CCDC18: variants seen among roughly 807,000 people sequenced by gnomAD.
The protein encoded by CCDC18 is coiled-coil domain-containing protein 18.
In CCDC18, 157 loss-of-function variants were observed where a neutral mutation model predicts 196.0. That is an observed-to-expected ratio of 0.80 (90% CI 0.70 to 0.91). The LOEUF is 0.91. Among genes scored for constraint, CCDC18 ranks in the 40% least tolerant of loss-of-function variants. The pLI is 0.00. For synonymous variants in CCDC18, 482 were observed against 529.2 expected (o/e 0.91, Z 1.22); for missense variants, 1,465 against 1,611.6 (o/e 0.91, Z 1.56).
At chr1:93,192,952 T>A (rs1652079525) in intron 5 of CCDC18, among the ~76,000 whole-genome samples, 1 of 152,202 alleles carries the variant, frequency 6.6e-6, no homozygotes, top group Non-Finnish European at 1.5e-5. Flanking sequence ...CTGCAAATGA[T>A]GCTGCTGCAC....
intron 16 of CCDC18, among the ~76,000 whole-genome samples, chr1:93,226,027 C>G (rs755591553): frequency 4.6e-5 from 7 of 152,132 alleles, no homozygotes; most frequent in Non-Finnish European, 7.4e-5. Flanking sequence ...TTGCCAACTT[C>G]TCACCACTCC....
chr1:93,184,132 A>T lies in CCDC18; in HGVS notation c.289A>T (p.Lys97Ter). 6.6e-7 allele frequency: 1 copy of T among 1,518,376 alleles called. No homozygotes were observed. The highest frequency in any genetic ancestry group is 8.9e-7 in the Non-Finnish European group (1 of 1,125,500). 94.1% of individuals were successfully genotyped at this position (1,518,376 alleles called of 1,614,324 possible). A position where few individuals can be genotyped will look rare whatever the true frequency, so the allele number is the denominator to read the frequency against. ...ISGSSTDFQKKPRDKMFSSSA... is the reference protein window; with the variant it reads ...ISGSSTDFQK ...TGGTAGCAGCACTGATTTTCAAAAA[A>T]AGCCAAGAGATAAGGTTATTGTTTT... Residue 97 changes from lysine (K) to a stop codon, truncating the protein, a stop_gained, in exon 3 of 29, where the codon AAG (lysine) becomes TAG (stop). Coordinates refer to ENST00000690025, the MANE Select transcript of CCDC18 (RefSeq NM_001378204.1). LOFTEE classifies it high-confidence loss of function.
At chr1:93,276,192 A>G (rs927383898) in intron 28 of CCDC18, among the ~76,000 whole-genome samples, 19 of 152,382 alleles carry the variant, frequency 1.2e-4, no homozygotes, top group African/African-American at 4.6e-4. Flanking sequence ...GAAGTGTTTA[A>G]TAAGTGTTAG....
upstream of CCDC18, chr1:93,180,488 C>G (rs781272416): frequency 3.3e-6 from 5 of 1,519,986 alleles, no homozygotes; most frequent in Middle Eastern, 5.4e-4. Flanking sequence ...TCAGGCCAGG[C>G]GTGAGCGCCG....
intron 27 of CCDC18, among the ~76,000 whole-genome samples, chr1:93,269,179 A>G (rs1165084471): frequency 6.6e-6 from 1 of 151,178 alleles, no homozygotes; most frequent in Non-Finnish European, 1.5e-5. Context: ...TGCAAGGACA[A>G]AAAACCAAAC....
Position 93,184,008 on chromosome 1 carries a change from C to T in CCDC18, c.165C>T (p.Ala55=). 6.4e-7 allele frequency: 1 copy of T among 1,560,784 alleles called. No homozygotes were observed. The highest frequency in any genetic ancestry group is 8.7e-7 in the Non-Finnish European group (1 of 1,148,420). ...SVSPSENSDY[A]PNPSRSEKLI... ...GTCCAAGTGAAAATTCTGATTATGC[C>T]CCTAATCCTTCAAGGTCTGAAAAGC... The change falls in exon 3 of 29, where the codon GCC becomes GCT. Residue 55 remains alanine (A), a synonymous_variant. Transcript: ENST00000690025.
intron 26 of CCDC18, among the ~76,000 whole-genome samples, chr1:93,259,523 T>C (rs751771060): frequency 7.9e-5 from 12 of 152,246 alleles, no homozygotes; most frequent in Non-Finnish European, 1.8e-4. Flanking sequence ...GCGTTTTTTC[T>C]AATACGGCAA....
At position 93,214,909 on chromosome 1, in the gene CCDC18, G is replaced by C. The variant is rs773738901; in HGVS notation, c.1662G>C (p.Gln554His). ...TGGCTCACAGAACTAGTCAGTTTCA[G>C]CTGATTCAAGAGGAGCTGCTAGAGA... ...VNMAHRTSQF[Q>H]LIQEELLEKA... is the part of the protein sequence containing the mutation. The change falls in exon 12 of 29, where the codon CAG becomes CAC. Residue 554 changes from glutamine (Q) to histidine (H), a missense_variant. Physicochemically the swap from Gln to His is conservative, Grantham distance 24. Coordinates refer to ENST00000690025, the MANE Select transcript of CCDC18 (RefSeq NM_001378204.1). 18 of 1,612,058 alleles carry C rather than the reference G, an allele frequency of 1.1e-5. No individual in the cohort carries two copies. In the African/African-American group the frequency reaches 2.4e-4, roughly 22 times the overall value.
upstream of CCDC18, chr1:93,180,698 A>G (rs1331819533): frequency 2.2e-6 from 3 of 1,354,834 alleles, no homozygotes; most frequent in South Asian, 1.2e-5. Context: ...GTGACCGGGT[A>G]GGCGCGTCCC....
chr1:93,196,230 A>G (rs1337364839), intron 6 of CCDC18, among the ~76,000 whole-genome samples: 3 of 152,144 alleles, frequency 2.0e-5, no homozygotes, highest in African/African-American at 7.2e-5. Context: ...GGTTAAGGTG[A>G]AAGGGATTGC....
intron 14 of CCDC18, among the ~76,000 whole-genome samples, chr1:93,219,232 T>G (rs1657012053): frequency 6.6e-6 from 1 of 152,244 alleles, no homozygotes; most frequent in Admixed American, 6.5e-5. Context: ...TAGTTTGAGG[T>G]ACAACTGCCA....
intron 23 of CCDC18, among the ~76,000 whole-genome samples, chr1:93,248,001 T>G (rs1221404754): frequency 6.7e-6 from 1 of 149,606 alleles, no homozygotes; most frequent in Non-Finnish European, 1.5e-5. Flanking sequence ...TACTGTGTTA[T>G]TTTCCTTCTT....
At chr1:93,222,059 T>C in intron 16 of CCDC18, 123 bp downstream of exon 16, 1 of 614,568 alleles carries the variant, frequency 1.6e-6, no homozygotes, top group South Asian at 2.3e-5. Context: ...AACCTTGAAC[T>C]CCTGAGCTCA....
chr1:93,243,894 T>C (rs564856230), intron 21 of CCDC18, among the ~76,000 whole-genome samples: 32 of 152,300 alleles, frequency 2.1e-4, no homozygotes, highest in African/African-American at 7.7e-4. Flanking sequence ...TTCCAAATTT[T>C]CCCACATTTT....
At position 93,203,729 on chromosome 1, in the gene CCDC18, G is replaced by C. The variant is rs1654232973; in HGVS notation, c.795+1741G>C. On this transcript the variant is annotated intron_variant, in intron 7 of 28. Transcript: ENST00000690025. ...GCCTGTAATTCCAGCTACTCAGCAG[G>C]CTGAGGTAGAAGGATTGCTTGAACT... 2.6e-5 allele frequency among the ~76,000 whole-genome samples: 4 copies of C among 152,104 alleles called. No homozygotes were observed. In the South Asian group the frequency reaches 8.3e-4, roughly 32 times the overall value.
At chr1:93,273,802 A>C (rs1665485306) in intron 28 of CCDC18, among the ~76,000 whole-genome samples, 1 of 152,216 alleles carries the variant, frequency 6.6e-6, no homozygotes, top group South Asian at 2.1e-4. Context: ...TAAATTTGAT[A>C]AGTACAGTGA....
At chr1:93,271,471 T>C in intron 28 of CCDC18, 2 of 985,424 alleles carry the variant, frequency 2.0e-6, no homozygotes, top group Non-Finnish European at 2.4e-6. Context: ...CTTCTCTGCT[T>C]CCTGATTTAA....
chr1:93,266,768 C>A (rs146110881), intron 27 of CCDC18, among the ~76,000 whole-genome samples: 3 of 152,152 alleles, frequency 2.0e-5, no homozygotes, highest in Non-Finnish European at 4.4e-5. Context: ...CCTGAGTAGA[C>A]CAACAACAGG....
chr1:93,191,098 T>TC, intron 4 of CCDC18: 1 of 617,968 alleles, frequency 1.6e-6, no homozygotes, highest in African/African-American at 1.8e-5. Flanking sequence ...ATTTTTTTTT[T>TC]TTTTTTGGAG....
Sources: gnomAD v4.1 joint callset for allele counts (sites outside exome capture counted in the v4.1 genomes callset) on GRCh38, gnomAD v4.1.1 for gene constraint, MANE v1.5 for transcripts, NCBI Gene and HGNC (gene_info 2026-07-23, HGNC 2026-07-21) for gene names.